Variants in TM6SF2 observed in about 807,000 individuals in gnomAD.
The protein encoded by TM6SF2 is transmembrane 6 superfamily member 2.
A neutral mutation model predicts 41.0 loss-of-function variants in TM6SF2; 29 were observed. That is an observed-to-expected ratio of 0.71 (90% CI 0.53 to 0.96). TM6SF2 has a LOEUF of 0.96. Among genes scored for constraint, TM6SF2 ranks in the 50% least tolerant of loss-of-function variants. The pLI, the probability that TM6SF2 is intolerant of heterozygous loss-of-function variation, is 0.00. For missense variants in TM6SF2, 475 were observed against 499.0 expected (o/e 0.95, Z 0.46); for synonymous variants, 200 against 209.1 (o/e 0.96, Z 0.37).
rs1217021289 is a variant in TM6SF2 at position 19,264,861 on chromosome 19, G to T, written c.937C>A (p.His313Asn). ...AGGIGQAQFSHMGASMHLRTP... is the reference protein window; with the variant it reads ...AGGIGQAQFSNMGASMHLRTP... ...CGCAGGTGCATGGAAGCCCCCATGTGCGAGAACTGTGCCTGGTAGCCAGAC... is the reference window on the plus strand; with the variant it reads ...CGCAGGTGCATGGAAGCCCCCATGTTCGAGAACTGTGCCTGGTAGCCAGAC... Residue 313 changes from histidine to asparagine, a missense_variant, in exon 10 of 10, where the codon CAC becomes AAC. Coordinates refer to ENST00000389363, the MANE Select transcript of TM6SF2 (RefSeq NM_001001524.3). The T allele has an allele frequency of 6.4e-7, 1 of 1,569,630 alleles. No homozygotes were observed. Among genetic ancestry groups the T allele is most frequent in the South Asian group, 1.2e-5 (1 of 85,168 alleles).
chr19:19,264,590 C>T lies in TM6SF2; in HGVS notation c.*74G>A, dbSNP rs534030651. ...AGATGTCCCTCCTGTCTCTAAAACA[C>T]CCAACCCCCGCTTCCCCAGGTAGGG... On this transcript the variant is annotated 3_prime_UTR_variant, in exon 10 of 10. Transcript: ENST00000389363. The T allele has an allele frequency of 5.3e-5, 69 of 1,303,064 alleles. No individual in the cohort carries two copies. The Admixed American group carries it at 1.5e-3, about 28-fold the overall frequency. 80.7% of individuals were successfully genotyped at this position (1,303,064 alleles called of 1,614,324 possible).
intron 6 of TM6SF2, among the ~76,000 whole-genome samples, chr19:19,268,353 GCAC>G (rs969619610): frequency 2.0e-5 from 3 of 151,742 alleles, no homozygotes; most frequent in African/African-American, 4.8e-5. Context: ...CCACAGGCAT[GCAC>G]CACCACATCT....
chr19:19,270,942 G>T, intron 2 of TM6SF2, 80 bp downstream of exon 2: 1 of 1,150,508 alleles, frequency 8.7e-7, no homozygotes, highest in Non-Finnish European at 1.3e-6. Flanking sequence ...GATGGAGGAG[G>T]CCCCTTAATG....
chr19:19,264,791 A>C lies in TM6SF2; in HGVS notation c.1007T>G (p.Phe336Cys), dbSNP rs141184770. ...YRVPEDTWGC[F>C]FVCNLLYALG... The stretch of plus-strand genomic sequence containing the variant: ...CGCATACAGCAGATTGCACACGAAG[A>C]AGCAGCCCCAGGTGTCCTCAGGCAC... The change falls in exon 10 of 10, where the codon TTC becomes TGC. Residue 336 changes from phenylalanine (F) to cysteine (C), a missense_variant. Transcript: ENST00000389363. 6.7e-4 allele frequency: 1,071 copies of C among 1,609,636 alleles called. No individual in the cohort carries two copies. The highest frequency in any genetic ancestry group is 1.7e-3 in the Admixed American group (99 of 59,430).
At chr19:19,264,955 G>C (rs547519986) in intron 9 of TM6SF2, 82 bp from the exon 10 acceptor site, 7 of 1,103,626 alleles carry the variant, frequency 6.3e-6, no homozygotes, top group Non-Finnish European at 8.6e-6. Context: ...CCCCAGGTAG[G>C]TCAGGCAGAA....
Position 19,270,173 on chromosome 19 carries a change from C to T in TM6SF2, c.401G>A (p.Arg134Lys). The T allele has an allele frequency of 6.2e-7, 1 of 1,613,892 alleles. No homozygotes were observed. The highest frequency in any genetic ancestry group is 8.5e-7 in the Non-Finnish European group (1 of 1,179,974). The change falls in exon 4 of 10, where the codon AGG becomes AAG. Residue 134 changes from arginine (R) to lysine (K), a missense_variant and splice_region_variant. Arg to Lys is a conservative substitution (Grantham distance 26, BLOSUM62 2). Transcript: ENST00000389363. ...GCCACCCTCTCCCTGCCTCCTGCAC[C>T]TTCTGCAGATGGCGCCGGCCATGGC... ...YLAMAGAICR[R>K]KRYRNFGLYW... is the part of the protein sequence containing the mutation.
At chr19:19,266,068 C>T (rs2061002113) in intron 9 of TM6SF2, among the ~76,000 whole-genome samples, 1 of 152,126 alleles carries the variant, frequency 6.6e-6, no homozygotes, top group Non-Finnish European at 1.5e-5. Flanking sequence ...CCCCTAGTCC[C>T]AGAGTTCAAA....
intron 1 of TM6SF2, 79 bp from the exon 2 acceptor site, chr19:19,271,204 G>T: frequency 8.6e-7 from 1 of 1,157,452 alleles, no homozygotes; most frequent in Non-Finnish European, 1.3e-6. Flanking sequence ...GGGGGAAGGG[G>T]CAGACTCCTG....
intron 5 of TM6SF2, 42 bp from the exon 6 acceptor site, chr19:19,268,796 C>T (rs752314042): frequency 3.2e-6 from 5 of 1,541,426 alleles, no homozygotes; most frequent in Admixed American, 4.6e-5. Context: ...ATGCCAGAAC[C>T]CTGCTGGACA....
rs2060995496 is a variant in TM6SF2, at chr19:19,264,462, T to C, written c.*202A>G. 3 of 417,474 alleles carry C rather than the reference T, an allele frequency of 7.2e-6. No homozygotes were observed. Among genetic ancestry groups the C allele is most frequent in the Non-Finnish European group, 8.3e-6 (2 of 239,822 alleles). 25.9% of individuals were successfully genotyped at this position (417,474 alleles called of 1,614,324 possible). On this transcript the variant is annotated 3_prime_UTR_variant, in exon 10 of 10. Transcript: ENST00000389363. ...AAGCGTTTGTGTGGGAGTTGGAGCA[T>C]GGTGACAGCTGTGGGAGGCTCTCCT... is the stretch of plus-strand genomic sequence containing the variant.
chr19:19,268,331 G>A (rs893487341), intron 6 of TM6SF2, among the ~76,000 whole-genome samples: 3 of 150,062 alleles, frequency 2.0e-5, no homozygotes, highest in South Asian at 2.1e-4. Flanking sequence ...TCAGCCTCCC[G>A]AATAGCTGGG....
chr19:19,266,513 C>G lies in TM6SF2; in HGVS notation c.901G>C (p.Val301Leu). 1 of 1,614,078 alleles carries G rather than the reference C, an allele frequency of 6.2e-7. No individual in the cohort carries two copies. Among genetic ancestry groups the G allele is most frequent in the South Asian group, 1.1e-5 (1 of 91,076 alleles). ...ACCTGGCCGATGCCTCCAGCAAACA[C>G]CAAGGCCCAGTCTGGAAGCCAGGAG... Reference protein sequence around the residue: ...GCSWLPDWALVFAGGIGQAQF... With the variant: ...GCSWLPDWALLFAGGIGQAQF... The change falls in exon 9 of 10, where the codon GTG becomes CTG. Residue 301 changes from valine to leucine, a missense_variant. Around this residue, in one of 3 missense-constraint regions of TM6SF2, gnomAD observed 190 missense variants for 190.2 expected, o/e 1.00. Transcript: ENST00000389363.
Position 19,273,202 on chromosome 19 carries a change from G to C in TM6SF2, c.14C>G (p.Pro5Arg). The change falls in exon 1 of 10, where the codon CCG (proline) becomes CGG (arginine). Residue 5 changes from proline (P) to arginine (R), a missense_variant. By Grantham distance (103) the Pro-to-Arg change is moderately radical. This residue lies in a region of TM6SF2 where 238 missense variants were observed against 228.6 expected (regional missense o/e 1.04). Coordinates refer to ENST00000389363, the MANE Select transcript of TM6SF2 (RefSeq NM_001001524.3). MDIPPLAGKIAALSL... is the reference protein window; with the variant it reads MDIPRLAGKIAALSL... ...CAGCGCCGCGATCTTGCCGGCCAGC[G>C]GCGGGATGTCCATAGCGGCGGCTGC... 1 of 1,446,786 alleles carries C rather than the reference G, an allele frequency of 6.9e-7. No homozygotes were observed. Among genetic ancestry groups the C allele is most frequent in the Non-Finnish European group, 9.1e-7 (1 of 1,102,618 alleles). 89.6% of individuals were successfully genotyped at this position (1,446,786 alleles called of 1,614,324 possible).
intron 4 of TM6SF2, 186 bp from the exon 5 acceptor site, chr19:19,269,955 G>T: frequency 6.8e-7 from 1 of 1,481,270 alleles, no homozygotes; most frequent in Non-Finnish European, 9.0e-7. Flanking sequence ...GAACAGAAGT[G>T]GCTGCCCAGG....
chr19:19,271,022 C>G lies in TM6SF2; in HGVS notation c.199G>C (p.Val67Leu), dbSNP rs750028253. 6.2e-7 allele frequency: 1 copy of G among 1,612,722 alleles called. No individual in the cohort carries two copies. The part of the protein sequence containing the change: ...GEVSYDPLYA[V>L]FAVFAFTSVV... ...TCCCCACAGCTTCCCACTGACTCAC[C>G]AGCATAGAGTGGGTCATAGGAGACC... The change falls in exon 2 of 10, where the codon GTC becomes CTC. Residue 67 changes from valine to leucine, a missense_variant and splice_region_variant. Val to Leu is a conservative substitution (Grantham distance 32). Transcript: ENST00000389363.
Position 19,264,584 on chromosome 19 carries a change from A to G in TM6SF2, c.*80T>C, listed in dbSNP as rs1055896493. 1.8e-5 allele frequency: 23 copies of G among 1,266,104 alleles called. No homozygotes were observed. The highest frequency in any genetic ancestry group is 2.3e-5 in the Non-Finnish European group (22 of 968,976). The allele number at this position is 1,266,104 out of a possible 1,614,324, so 78.4% of individuals were successfully genotyped here. On this transcript the variant is annotated 3_prime_UTR_variant, in exon 10 of 10. Transcript: ENST00000389363. ...ACCCGGAGATGTCCCTCCTGTCTCTAAAACACCCAACCCCCGCTTCCCCAG... is the reference window on the plus strand; with the variant it reads ...ACCCGGAGATGTCCCTCCTGTCTCTGAAACACCCAACCCCCGCTTCCCCAG...
intron 4 of TM6SF2, 188 bp downstream of exon 4, chr19:19,269,985 A>G: frequency 6.7e-7 from 1 of 1,486,526 alleles, no homozygotes; most frequent in African/African-American, 1.4e-5. Context: ...GATGTAAGCA[A>G]TGCTAGGCCA....
At chr19:19,272,431 A>T (rs954411504) in intron 1 of TM6SF2, among the ~76,000 whole-genome samples, 4 of 152,118 alleles carry the variant, frequency 2.6e-5, no homozygotes, top group African/African-American at 9.7e-5. Flanking sequence ...ATCCCAGGAG[A>T]TGGAGATGGG....
rs766168663 is a variant in TM6SF2, at chr19:19,264,723, C to A, written c.1075G>T (p.Ala359Ser). The A allele has an allele frequency of 2.1e-5, 33 of 1,595,162 alleles. No individual in the cohort carries two copies. Among genetic ancestry groups the A allele is most frequent in the Admixed American group, 3.5e-5 (2 of 57,678 alleles). The change falls in exon 10 of 10, where the codon GCA becomes TCA. Residue 359 changes from alanine (A) to serine (S), a missense_variant. Physicochemically the swap from Ala to Ser is moderately conservative, Grantham distance 99. Transcript: ENST00000389363. ...LLAYRCLQWP[A>S]FFHQPPPSDP... ...GAGGGTGGTGGCTGGTGGAAGAATGCGGGCCACTGAAGGCAACGGTAGGCC... is the reference window on the plus strand; with the variant it reads ...GAGGGTGGTGGCTGGTGGAAGAATGAGGGCCACTGAAGGCAACGGTAGGCC...
Sources: gnomAD v4.1 joint callset for allele counts (sites outside exome capture counted in the v4.1 genomes callset) on GRCh38, gnomAD v4.1.1 for gene constraint, gnomAD v4.1.1 regional missense constraint, MANE v1.5 for transcripts, NCBI Gene and HGNC (gene_info 2026-07-23, HGNC 2026-07-21) for gene names.